Variants in LAMA1 observed in about 807,000 individuals in gnomAD.
LAMA1 encodes laminin subunit alpha-1.
A neutral mutation model predicts 348.7 loss-of-function variants in LAMA1; 219 were observed. The ratio of observed to expected loss-of-function variants is 0.63; its 90% confidence interval spans 0.56 to 0.70. The LOEUF is 0.70. Ranked by LOEUF, LAMA1 falls within the 30% of genes least tolerant of loss-of-function variation. The probability of loss-of-function intolerance (pLI) is 0.00; values close to 1 mark genes in which losing one functional copy is unlikely to be tolerated. For missense variants in LAMA1, 3,744 were observed against 3,888.0 expected, an observed-to-expected ratio of 0.96 and a Z score of 0.99; for synonymous variants, 1,487 against 1,491.0, an observed-to-expected ratio of 1.00 and a Z score of 0.06.
chr18:7,101,430 T>G lies in LAMA1; in HGVS notation c.61+16230A>C, dbSNP rs1183433481. Reference sequence around the variant, plus strand: ...CCAATCACCAAGAGAGAAGTCTGAATACCCAAAAAGACAGAAAGCTGTGAC... The same window carrying G: ...CCAATCACCAAGAGAGAAGTCTGAAGACCCAAAAAGACAGAAAGCTGTGAC... On this transcript the variant is annotated intron_variant, in intron 1 of 62. Transcript: ENST00000389658. Among the ~76,000 whole-genome samples the G allele has an allele frequency of 2.6e-5, 4 of 152,178 alleles. No individual in the cohort carries two copies. The East Asian group carries it at 7.7e-4, about 29-fold the overall frequency.
intron 29 of LAMA1, 82 bp from the exon 30 acceptor site, chr18:7,002,467 C>T (rs186369351): frequency 4.4e-4 from 618 of 1,411,138 alleles, no homozygotes; most frequent in Middle Eastern, 1.7e-3. Context: ...CTAAGCACTG[C>T]CACGTTTTAT....
chr18:6,977,296 C>T lies in LAMA1; in HGVS notation c.6345+431G>A, dbSNP rs77888420. ...TTTCTCAGACACCTCAAGGATGAGG[C>T]CCATACTACACAAACATTTTAAGGA... On this transcript the variant is annotated intron_variant, in intron 44 of 62. Transcript: ENST00000389658. Among the ~76,000 whole-genome samples the T allele has an allele frequency of 8.3e-3, 1,262 of 152,274 alleles. 11 individuals carry two copies. Among genetic ancestry groups the T allele is most frequent in the Middle Eastern group, 0.02 (6 of 294 alleles).
rs773818069 is a variant in LAMA1 at position 7,074,967 on chromosome 18, CAAAAAAAAAAAAAAAAAAAAAAAA to C, written c.345+4984_345+5007del. Among the ~76,000 whole-genome samples, 40 of 52,270 alleles carry C rather than the reference CAAAAAAAAAAAAAAAAAAAAAAAA, an allele frequency of 7.7e-4. 1 individual carries two copies. Among genetic ancestry groups the C allele is most frequent in the Admixed American group, 1.9e-3 (8 of 4,278 alleles). The allele number at this position is 52,270 out of a possible 152,430, so 34.3% of individuals were successfully genotyped here. On this transcript the variant is annotated intron_variant, in intron 3 of 62. Coordinates refer to ENST00000389658, the MANE Select transcript of LAMA1 (RefSeq NM_005559.4). ...GATAACCAAACCTAATACATAGAGG[CAAAAAAAAAAAAAAAAAAAAAAAA>C]AAAAAAAAAAAAATGCTGTAATTCT...
At chr18:6,948,963 C>G in intron 59 of LAMA1, 138 bp downstream of exon 59, 1 of 1,108,126 alleles carries the variant, frequency 9.0e-7, no homozygotes, top group Non-Finnish European at 1.3e-6. Flanking sequence ...TGTGGACATG[C>G]CTGCAAAGTA....
intron 1 of LAMA1, among the ~76,000 whole-genome samples, chr18:7,089,458 C>T (rs1291395584): frequency 6.6e-6 from 1 of 152,192 alleles, no homozygotes; most frequent in African/African-American, 2.4e-5. Flanking sequence ...TGTCCTTGCC[C>T]TACCTCCTCT....
At chr18:7,015,184 G>C (rs890244456) in intron 22 of LAMA1, among the ~76,000 whole-genome samples, 2 of 152,144 alleles carry the variant, frequency 1.3e-5, no homozygotes, top group Non-Finnish European at 2.9e-5. Context: ...GCAACAACTA[G>C]GTTCTTGAAG....
intron 19 of LAMA1, among the ~76,000 whole-genome samples, chr18:7,020,961 G>C (rs1412205827): frequency 1.3e-5 from 2 of 152,156 alleles, no homozygotes; most frequent in Non-Finnish European, 2.9e-5. Flanking sequence ...GGTGACCTCA[G>C]CACCTCAACA....
At chr18:6,997,987 G>A (rs999723066) in intron 32 of LAMA1, 103 bp from the exon 33 acceptor site, 7 of 1,004,534 alleles carry the variant, frequency 7.0e-6, no homozygotes, top group African/African-American at 3.2e-5. Context: ...TGACACATGC[G>A]GTCAGAGTAC....
At chr18:7,098,237 A>C (rs1007357269) in intron 1 of LAMA1, among the ~76,000 whole-genome samples, 31 of 152,208 alleles carry the variant, frequency 2.0e-4, no homozygotes, top group Non-Finnish European at 4.1e-4. Context: ...GGCCTCCCAA[A>C]GTGCCGAGAT....
chr18:7,087,797 G>A (rs528282769), intron 1 of LAMA1, among the ~76,000 whole-genome samples: 5 of 152,274 alleles, frequency 3.3e-5, no homozygotes, highest in African/African-American at 9.6e-5. Context: ...GGCCTTGGCC[G>A]AGGGCTTTAC....
chr18:7,055,908 C>T (rs1306996935), intron 3 of LAMA1, among the ~76,000 whole-genome samples: 1 of 151,372 alleles, frequency 6.6e-6, no homozygotes, highest in African/African-American at 2.4e-5. Context: ...AGTGAAACCC[C>T]GTCTCCACTA....
chr18:7,098,592 G>A (rs567321837), intron 1 of LAMA1, among the ~76,000 whole-genome samples: 2 of 151,682 alleles, frequency 1.3e-5, no homozygotes, highest in African/African-American at 2.4e-5. Flanking sequence ...CGTCTGAGAA[G>A]TGAGGAGACC....
intron 16 of LAMA1, among the ~76,000 whole-genome samples, chr18:7,028,897 G>T (rs142144520): frequency 6.6e-6 from 1 of 152,186 alleles, no homozygotes; most frequent in South Asian, 2.1e-4. Context: ...GCTCCTCTTG[G>T]TGTGCACCTC....
At position 7,012,111 on chromosome 18, in the gene LAMA1, C is replaced by T. The variant is rs773505947; in HGVS notation, c.3391G>A (p.Glu1131Lys). 8.8e-5 allele frequency: 142 copies of T among 1,613,754 alleles called. 1 individual carries two copies. In the South Asian group the frequency reaches 1.3e-3, roughly 15 times the overall value. ...KENVFGPQCN[E>K]CREGTFALRA... ...AGAGCGAAGGTGCCCTCTCGACATT[C>T]GTTGCACTGAGGACCAAAGACATTT... Residue 1131 changes from glutamate to lysine, a missense_variant, in exon 24 of 63, where the codon GAA becomes AAA. This residue lies in a region of LAMA1 where 1,529 missense variants were observed against 1,689.4 expected (regional missense o/e 0.91). Coordinates refer to ENST00000389658, the MANE Select transcript of LAMA1 (RefSeq NM_005559.4).
intron 26 of LAMA1, among the ~76,000 whole-genome samples, chr18:7,009,876 G>A (rs1203418376): frequency 1.3e-5 from 2 of 152,024 alleles, no homozygotes; most frequent in Non-Finnish European, 2.9e-5. Flanking sequence ...GCACAATCTC[G>A]GCTCACTGCA....
chr18:7,064,664 A>G (rs1250326037), intron 3 of LAMA1, among the ~76,000 whole-genome samples: 3 of 152,198 alleles, frequency 2.0e-5, no homozygotes, highest in Non-Finnish European at 4.4e-5. Flanking sequence ...TAAGACTGAT[A>G]CAAGACTGGT....
intron 3 of LAMA1, among the ~76,000 whole-genome samples, chr18:7,055,144 A>G (rs1343808593): frequency 1.3e-5 from 2 of 151,250 alleles, no homozygotes; most frequent in Non-Finnish European, 2.9e-5. Flanking sequence ...GTGTGTAAAT[A>G]TATATATGTA....
chr18:6,960,893 G>A (rs529529240), intron 53 of LAMA1, among the ~76,000 whole-genome samples: 8 of 149,108 alleles, frequency 5.4e-5, no homozygotes, highest in African/African-American at 2.1e-4. Flanking sequence ...CTTGCAGCAT[G>A]GTTGTGATTA....
At position 7,042,985 on chromosome 18, in the gene LAMA1, G is replaced by C. The variant is rs1008095810; in HGVS notation, c.1155+242C>G. On this transcript the variant is annotated intron_variant, in intron 8 of 62. Transcript: ENST00000389658. The stretch of plus-strand genomic sequence containing the variant: ...TTTTCACATCTGTAGTTAGTATTAT[G>C]ACCCAGGATTACATAGCTAATGGAC... The C allele has an allele frequency of 1.1e-5, 6 of 533,894 alleles. No homozygotes were observed. The East Asian group carries it at 1.6e-4, about 14-fold the overall frequency. The allele number at this position is 533,894 out of a possible 1,614,324, so 33.1% of individuals were successfully genotyped here.
Sources: allele counts gnomAD v4.1 joint callset (sites outside exome capture counted in the v4.1 genomes callset), GRCh38; gene constraint gnomAD v4.1.1; regional missense constraint gnomAD v4.1.1; transcripts MANE v1.5; gene names NCBI Gene and HGNC (gene_info 2026-07-23, HGNC 2026-07-21).